Variants in IGSF21 observed in about 807,000 individuals in gnomAD.
IGSF21 encodes immunoglobulin superfamily member 21.
Under a neutral mutation model 46.8 loss-of-function variants are expected in IGSF21, and 28 were observed. The observed-to-expected ratio is 0.60, with a 90% confidence interval of 0.44 to 0.82. The LOEUF is 0.82. Among genes scored for constraint, IGSF21 ranks in the 40% least tolerant of loss-of-function variants. The probability of loss-of-function intolerance (pLI) is 0.00; values close to 1 mark genes in which losing one functional copy is unlikely to be tolerated. For missense variants in IGSF21, 624 were observed against 665.5 expected (o/e 0.94, Z 0.69); for synonymous variants, 284 against 273.6 (o/e 1.04, Z -0.38).
Position 18,322,438 on chromosome 1 carries a change from A to C in IGSF21, c.306-12454A>C, listed in dbSNP as rs1031201705. ...TGATGCCAGCTCTCACCCACCACCAAGTAGAGAGGCAGAGGCAGAGATTCC... is the reference window on the plus strand; with the variant it reads ...TGATGCCAGCTCTCACCCACCACCACGTAGAGAGGCAGAGGCAGAGATTCC... On this transcript the variant is annotated intron_variant, in intron 3 of 9. Coordinates refer to ENST00000251296, the MANE Select transcript of IGSF21 (RefSeq NM_032880.5). The surrounding 1 kb of genome is among the most constrained non-coding windows in gnomAD (Gnocchi z 4.3). 6.7e-6 allele frequency among the ~76,000 whole-genome samples: 1 copy of C among 150,284 alleles called. No individual in the cohort carries two copies. The highest frequency in any genetic ancestry group is 1.5e-5 in the Non-Finnish European group (1 of 67,408).
intron 2 of IGSF21, among the ~76,000 whole-genome samples, chr1:18,282,440 C>T (rs1479728574): frequency 6.6e-6 from 1 of 151,944 alleles, no homozygotes; most frequent in African/African-American, 2.4e-5. Context: ...AAGCATGAAG[C>T]GGGAGCGGGG....
At chr1:18,150,672 G>A (rs2086514356) in intron 1 of IGSF21, among the ~76,000 whole-genome samples, 1 of 152,150 alleles carries the variant, frequency 6.6e-6, no homozygotes, top group Non-Finnish European at 1.5e-5. Context: ...AATTCCAGAG[G>A]GGACTCAATC....
chr1:18,355,819 T>C (rs1303408489), intron 4 of IGSF21, among the ~76,000 whole-genome samples: 1 of 145,692 alleles, frequency 6.9e-6, no homozygotes, highest in African/African-American at 2.6e-5. Context: ...ACTCTGCCCA[T>C]GTCTAGACTC....
At chr1:18,240,626 C>T (rs1569606066) in intron 2 of IGSF21, among the ~76,000 whole-genome samples, 1 of 152,276 alleles carries the variant, frequency 6.6e-6, no homozygotes, top group East Asian at 1.9e-4. Flanking sequence ...TAGATGTATG[C>T]ATGGATGGAT....
chr1:18,238,798 C>G (rs1036938518), intron 2 of IGSF21, among the ~76,000 whole-genome samples: 1 of 152,162 alleles, frequency 6.6e-6, no homozygotes. Flanking sequence ...AAGAAAAGAG[C>G]AAGGGCCTGG....
intron 2 of IGSF21, among the ~76,000 whole-genome samples, chr1:18,230,022 C>T (rs917002079): frequency 6.6e-6 from 1 of 152,186 alleles, no homozygotes; most frequent in Non-Finnish European, 1.5e-5. Flanking sequence ...CACCTCATTG[C>T]CTTCCAAGCT....
intron 1 of IGSF21, among the ~76,000 whole-genome samples, chr1:18,118,135 T>G (rs1021849843): frequency 6.6e-5 from 10 of 151,194 alleles, no homozygotes; most frequent in Non-Finnish European, 1.0e-4. Flanking sequence ...GCCTTTGGGG[T>G]TTTTTTTTGT....
chr1:18,138,999 G>A (rs1481014880), intron 1 of IGSF21, among the ~76,000 whole-genome samples: 1 of 152,194 alleles, frequency 6.6e-6, no homozygotes, highest in East Asian at 1.9e-4. Flanking sequence ...AGTGTGCTTG[G>A]TCGTGGCTTT....
intron 1 of IGSF21, chr1:18,113,492 C>G (rs1290315230): frequency 6.6e-6 from 1 of 152,108 alleles, no homozygotes; most frequent in African/African-American, 2.4e-5. Flanking sequence ...GAGACCCAGA[C>G]TTTAGTCCCC....
intron 1 of IGSF21, among the ~76,000 whole-genome samples, chr1:18,209,739 C>T (rs905982306): frequency 7.3e-5 from 11 of 151,688 alleles, no homozygotes; most frequent in African/African-American, 1.7e-4. Flanking sequence ...AGATTACAGG[C>T]GTGAGCCACC....
intron 3 of IGSF21, among the ~76,000 whole-genome samples, chr1:18,302,869 C>T (rs926587283): frequency 6.6e-6 from 1 of 152,204 alleles, no homozygotes; most frequent in Admixed American, 6.5e-5. Flanking sequence ...ACAGCTGCCA[C>T]TGAGTTCTCT....
intron 3 of IGSF21, among the ~76,000 whole-genome samples, chr1:18,310,781 T>A (rs568098882): frequency 6.6e-6 from 1 of 152,320 alleles, no homozygotes; most frequent in African/African-American, 2.4e-5. Flanking sequence ...ACACTTCCTC[T>A]GAAAGCTCCA....
At chr1:18,277,861 G>A (rs762234825) in intron 2 of IGSF21, among the ~76,000 whole-genome samples, 14 of 152,138 alleles carry the variant, frequency 9.2e-5, no homozygotes, top group Non-Finnish European at 5.9e-5. Context: ...ATCATCTCTC[G>A]GGTGAGGTTT....
chr1:18,346,434 G>C (rs1312234211), intron 4 of IGSF21, among the ~76,000 whole-genome samples: 1 of 152,144 alleles, frequency 6.6e-6, no homozygotes, highest in Non-Finnish European at 1.5e-5. Context: ...CCAGATGCTG[G>C]CATCATTGTT....
At chr1:18,332,866 A>G (rs1434975716) in intron 3 of IGSF21, among the ~76,000 whole-genome samples, 1 of 152,196 alleles carries the variant, frequency 6.6e-6, no homozygotes, top group Non-Finnish European at 1.5e-5. Flanking sequence ...CTAAGACGAC[A>G]GTGATGGAAA....
intron 1 of IGSF21, among the ~76,000 whole-genome samples, chr1:18,183,367 T>C (rs1207091396): frequency 6.6e-6 from 1 of 152,222 alleles, no homozygotes; most frequent in Non-Finnish European, 1.5e-5. Context: ...TGGGTGAATT[T>C]TATTTTATGT....
chr1:18,195,438 G>T (rs2086997674), intron 1 of IGSF21, among the ~76,000 whole-genome samples: 1 of 152,092 alleles, frequency 6.6e-6, no homozygotes. Context: ...AGGCTTGGAG[G>T]GGCAGAGGAA....
chr1:18,177,087 T>C (rs2086806698), intron 1 of IGSF21, among the ~76,000 whole-genome samples: 1 of 152,236 alleles, frequency 6.6e-6, no homozygotes, highest in Non-Finnish European at 1.5e-5. Flanking sequence ...ACCATGACTT[T>C]ATTGTATCCA....
chr1:18,350,810 G>A (rs1001817081), intron 4 of IGSF21, among the ~76,000 whole-genome samples: 1 of 152,166 alleles, frequency 6.6e-6, no homozygotes, highest in African/African-American at 2.4e-5. Context: ...ACGCTGATAG[G>A]ACAGGAAAGA....
Sources: allele counts gnomAD v4.1 joint callset (sites outside exome capture counted in the v4.1 genomes callset), GRCh38; gene constraint gnomAD v4.1.1; non-coding constraint Gnocchi (gnomAD v3.1); transcripts MANE v1.5; gene names NCBI Gene and HGNC (gene_info 2026-07-23, HGNC 2026-07-21).